Variants in PHKA1 observed in about 807,000 individuals in gnomAD.
The protein encoded by PHKA1 is phosphorylase kinase regulatory subunit alpha 1.
A neutral mutation model predicts 110.2 loss-of-function variants in PHKA1; 60 were observed. The observed-to-expected ratio is 0.54, with a 90% CI of 0.44 to 0.68. The LOEUF is 0.68. Ranked by LOEUF, PHKA1 falls within the 30% of genes least tolerant of loss-of-function variation. PHKA1 has a pLI of 0.00. For synonymous variants in PHKA1, 316 were observed against 333.6 expected (o/e 0.95, Z 0.58); for missense variants, 801 against 942.5 (o/e 0.85, Z 1.97).
chrX:72,662,698 A>T (rs1413949395), intron 8 of PHKA1, among the ~76,000 whole-genome samples: 2 of 111,779 alleles, frequency 1.8e-5, no homozygotes, highest in Non-Finnish European at 3.8e-5. Flanking sequence ...CCCGGAAATC[A>T]GTCTGTTCAG....
rs1372371955 is a variant in PHKA1, at chrX:72,601,322, T to C, written c.3072+669A>G. On this transcript the variant is annotated intron_variant, in intron 28 of 31. Transcript: ENST00000373542. ...ACCATTGTTAATAGGTACAGAACCA[T>C]TGCAATGAGGTCTTGCAGTAAGGGA... Among the ~76,000 whole-genome samples, 4 of 111,806 alleles carry C rather than the reference T, an allele frequency of 3.6e-5. No homozygotes were observed. The East Asian group carries it at 1.1e-3, about 31-fold the overall frequency.
intron 14 of PHKA1, 76 bp from the exon 15 acceptor site, chrX:72,636,462 A>G: frequency 1.8e-6 from 1 of 566,986 alleles, no homozygotes; most frequent in Non-Finnish European, 3.1e-6. Context: ...ACATATATAT[A>G]TATACACACA....
chrX:72,619,176 T>C (rs370166449), intron 20 of PHKA1, 38 bp downstream of exon 20: 15 of 889,207 alleles, frequency 1.7e-5, no homozygotes, highest in Non-Finnish European at 2.5e-5. Flanking sequence ...TGGCAGTTTT[T>C]CAAAAAGCTA....
At position 72,676,170 on chromosome X, in the gene PHKA1, A is replaced by G. The variant is rs782786358; in HGVS notation, c.538-20T>C. The G allele has an allele frequency of 3.8e-5, 43 of 1,140,220 alleles. No individual in the cohort carries two copies. The highest frequency in any genetic ancestry group is 4.9e-5 in the Non-Finnish European group (41 of 832,446). 94.0% of individuals were successfully genotyped at this position (1,140,220 alleles called of 1,213,427 possible). On this transcript the variant is annotated intron_variant, in intron 5 of 31. Transcript: ENST00000373542. ...GAAGTCCTGGCATAAAATAACCAATATACAATTAGCAAGTCATAACTACTA... is the reference window on the plus strand; with the variant it reads ...GAAGTCCTGGCATAAAATAACCAATGTACAATTAGCAAGTCATAACTACTA...
chrX:72,670,716 A>G (rs1367075849), intron 6 of PHKA1, among the ~76,000 whole-genome samples: 4 of 111,866 alleles, frequency 3.6e-5, no homozygotes, highest in Non-Finnish European at 7.5e-5. Context: ...ATCCAGCAGC[A>G]CATCAAAAAG....
At chrX:72,621,621 T>G in intron 18 of PHKA1, 1 of 172,152 alleles carries the variant, frequency 5.8e-6, no homozygotes, top group Non-Finnish European at 9.3e-6. Flanking sequence ...GTATCAGTCA[T>G]GAGTCTTCTG....
intron 4 of PHKA1, among the ~76,000 whole-genome samples, chrX:72,689,453 T>C (rs2054007511): frequency 8.9e-6 from 1 of 112,001 alleles, no homozygotes; most frequent in African/African-American, 3.3e-5. Flanking sequence ...GTTCTTTCAC[T>C]TAGCATAATA....
chrX:72,590,527 A>G lies in PHKA1; in HGVS notation c.3243+2577T>C, dbSNP rs1360910778. 2.7e-5 allele frequency among the ~76,000 whole-genome samples: 3 copies of G among 112,171 alleles called. No homozygotes were observed. The East Asian group carries it at 8.3e-4, about 31-fold the overall frequency. On this transcript the variant is annotated intron_variant, in intron 29 of 31. Coordinates refer to ENST00000373542, the MANE Select transcript of PHKA1 (RefSeq NM_002637.4). ...CAAGGACTTCATCACTAAAACACCA[A>G]AAGCAATTGCAACAAAAGCCTAAAT...
intron 5 of PHKA1, among the ~76,000 whole-genome samples, chrX:72,676,562 C>T (rs1323523480): frequency 8.9e-6 from 1 of 111,947 alleles, no homozygotes; most frequent in Non-Finnish European, 1.9e-5. Context: ...GACAACGTAC[C>T]ATGCACTAAT....
intron 11 of PHKA1, among the ~76,000 whole-genome samples, 176 bp downstream of exon 11, chrX:72,653,259 G>C (rs1291527562): frequency 8.9e-6 from 1 of 111,835 alleles, no homozygotes; most frequent in Non-Finnish European, 1.9e-5. Flanking sequence ...CATTGAGACT[G>C]CTTTAAAATT....
intron 28 of PHKA1, among the ~76,000 whole-genome samples, chrX:72,598,331 T>C (rs1439751118): frequency 1.8e-5 from 2 of 111,352 alleles, no homozygotes; most frequent in African/African-American, 6.5e-5. Flanking sequence ...CCCATCAGGA[T>C]GGCTATAATA....
At chrX:72,692,515 G>T (rs2054051370) in intron 4 of PHKA1, among the ~76,000 whole-genome samples, 1 of 111,954 alleles carries the variant, frequency 8.9e-6, no homozygotes, top group African/African-American at 3.2e-5. Context: ...CTCTTCGATT[G>T]TAGTAAGTCT....
chrX:72,656,038 T>G, intron 10 of PHKA1, 82 bp downstream of exon 10: 1 of 1,084,816 alleles, frequency 9.2e-7, no homozygotes, highest in Middle Eastern at 2.4e-4. Context: ...GACTTCCAAC[T>G]GGACACAGGG....
At chrX:72,643,812 C>T (rs1556296393) in intron 14 of PHKA1, among the ~76,000 whole-genome samples, 1 of 111,434 alleles carries the variant, frequency 9.0e-6, no homozygotes, top group African/African-American at 3.3e-5. Context: ...TTTGGGGAGT[C>T]ATTATTCAGT....
At chrX:72,640,371 A>G (rs1254515617) in intron 14 of PHKA1, among the ~76,000 whole-genome samples, 2 of 111,695 alleles carry the variant, frequency 1.8e-5, no homozygotes, top group Non-Finnish European at 3.8e-5. Flanking sequence ...TAAGGAGACG[A>G]TTTGCAAAAT....
intron 31 of PHKA1, among the ~76,000 whole-genome samples, chrX:72,582,001 C>T (rs1163459294): frequency 8.9e-6 from 1 of 112,230 alleles, no homozygotes; most frequent in East Asian, 2.8e-4. Flanking sequence ...CAAAGTAAAA[C>T]TAAAACCAAA....
intron 5 of PHKA1, among the ~76,000 whole-genome samples, chrX:72,681,995 TG>T (rs2053889310): frequency 2.0e-5 from 1 of 49,353 alleles, no homozygotes; most frequent in African/African-American, 7.0e-5. Flanking sequence ...GGAGCCCCTC[TG>T]CCCGGCCAGC....
rs782189032 is a variant in PHKA1 at position 72,649,987 on chromosome X, C to G, written c.1324+403G>C. On this transcript the variant is annotated intron_variant, in intron 13 of 31. Coordinates refer to ENST00000373542, the MANE Select transcript of PHKA1 (RefSeq NM_002637.4). ...AGCCTGGGTGACAGAAAGAGACTCC[C>G]TCTCAAAAAAAAAAAAAAATACTAA... Among the ~76,000 whole-genome samples the G allele has an allele frequency of 2.9e-3, 286 of 98,838 alleles. 1 individual carries two copies. Among genetic ancestry groups the G allele is most frequent in the African/African-American group, 0.01 (277 of 26,972 alleles). 85.8% of individuals were successfully genotyped at this position (98,838 alleles called of 115,157 possible).
rs150084086 is a variant in PHKA1, at chrX:72,698,691, G to A, written c.286-2815C>T. Among the ~76,000 whole-genome samples, 84 of 112,571 alleles carry A rather than the reference G, an allele frequency of 7.5e-4. 2 individuals carry two copies. The highest frequency in any genetic ancestry group is 2.6e-3 in the African/African-American group (80 of 31,075). On this transcript the variant is annotated intron_variant, in intron 3 of 31. Coordinates refer to ENST00000373542, the MANE Select transcript of PHKA1 (RefSeq NM_002637.4). Reference sequence around the variant, plus strand: ...ATATTACCGTAACTTCGAATCTTGTGGCTTTAGGCAGTATGCACAGACAAT... The same window carrying A: ...ATATTACCGTAACTTCGAATCTTGTAGCTTTAGGCAGTATGCACAGACAAT...
Sources: gnomAD v4.1 joint callset for allele counts (sites outside exome capture counted in the v4.1 genomes callset) on GRCh38, gnomAD v4.1.1 for gene constraint, MANE v1.5 for transcripts, NCBI Gene and HGNC (gene_info 2026-07-23, HGNC 2026-07-21) for gene names.